The following BAZ2B variants were observed in gnomAD, a reference collection of about 807,000 sequenced individuals.
BAZ2B encodes the protein bromodomain adjacent to zinc finger domain 2B.
A neutral mutation model predicts 246.0 loss-of-function variants in BAZ2B; 91 were observed. That is an observed-to-expected ratio of 0.37 (90% confidence interval 0.31 to 0.44). The LOEUF (loss-of-function observed/expected upper bound fraction) is 0.44, where lower values mean the gene tolerates loss of function less well. BAZ2B is among the 20% of genes least tolerant of loss of function. BAZ2B has a pLI of 1.00. For synonymous variants in BAZ2B, 855 were observed against 860.0 expected (o/e 0.99, Z 0.10); for missense variants, 2,332 against 2,533.7 (o/e 0.92, Z 1.71).
chr2:159,523,532 T>C (rs1016995851), intron 2 of BAZ2B, among the ~76,000 whole-genome samples: 5 of 151,744 alleles, frequency 3.3e-5, no homozygotes, highest in Non-Finnish European at 7.4e-5. Flanking sequence ...AGTGAAACCC[T>C]GTCTCTACTA....
At chr2:159,612,356 T>G (rs554410710) in intron 1 of BAZ2B, among the ~76,000 whole-genome samples, 1 of 152,174 alleles carries the variant, frequency 6.6e-6, no homozygotes, top group African/African-American at 2.4e-5. Flanking sequence ...AAAAAACTCT[T>G]AAAATACCTA....
chr2:159,356,666 C>T (rs1022595749), intron 27 of BAZ2B, among the ~76,000 whole-genome samples: 1 of 152,198 alleles, frequency 6.6e-6, no homozygotes, highest in Non-Finnish European at 1.5e-5. Flanking sequence ...CCCTGACCCC[C>T]GTGCCTCCTG....
intron 31 of BAZ2B, among the ~76,000 whole-genome samples, chr2:159,341,105 C>T (rs577370698): frequency 6.6e-5 from 10 of 152,064 alleles, no homozygotes; most frequent in African/African-American, 2.4e-4. Flanking sequence ...CAAGGCCCAA[C>T]TATATGCTGC....
intron 36 of BAZ2B, among the ~76,000 whole-genome samples, chr2:159,321,560 C>T (rs868616827): frequency 5.9e-5 from 9 of 152,172 alleles, no homozygotes; most frequent in Middle Eastern, 3.4e-3. Flanking sequence ...AACACAATGG[C>T]GCACCATTCA....
Position 159,431,147 on chromosome 2 carries a change from C to A in BAZ2B, c.1910G>T (p.Ser637Ile), listed in dbSNP as rs752433791. ...TCCTTCTGTATCTGATTCTGAATTA[C>A]TATCTGATTCTGGGAAGTAAAAGAA... is the stretch of plus-strand genomic sequence containing the variant. The part of the protein sequence containing the change: ...ESDDSQSESD[S>I]NSESDTEGSE... The change falls in exon 10 of 37, where the codon AGT (serine) becomes ATT (isoleucine). Residue 637 changes from serine (S) to isoleucine (I), a missense_variant. By Grantham distance (142) the Ser-to-Ile change is moderately radical (BLOSUM62 -2). Coordinates refer to ENST00000392783, the MANE Select transcript of BAZ2B (RefSeq NM_013450.4). The A allele has an allele frequency of 2.5e-6, 4 of 1,602,366 alleles. No homozygotes were observed. The highest frequency in any genetic ancestry group is 3.4e-6 in the Non-Finnish European group (4 of 1,172,950).
chr2:159,577,537 C>A (rs572811953), intron 1 of BAZ2B, among the ~76,000 whole-genome samples: 152 of 152,270 alleles, frequency 1.0e-3, no homozygotes, highest in African/African-American at 3.6e-3. Flanking sequence ...GATACCAGTT[C>A]TTGGTCCAAT....
At position 159,404,903 on chromosome 2, in the gene BAZ2B, C is replaced by T. The variant is rs1008604938; in HGVS notation, c.2778G>A (p.Met926Ile). The T allele has an allele frequency of 6.8e-6, 11 of 1,613,564 alleles. No individual in the cohort carries two copies. In the Admixed American group the frequency reaches 1.2e-4, roughly 17 times the overall value. The change falls in exon 16 of 37, where the codon ATG (methionine) becomes ATA (isoleucine). Residue 926 changes from methionine (M) to isoleucine (I), a missense_variant. Coordinates refer to ENST00000392783, the MANE Select transcript of BAZ2B (RefSeq NM_013450.4). ...TTTGCTTCCGCTTCTCCTCAGCAGC[C>T]ATTATTGCTACAAGAAACCAAAGGA... The part of the protein sequence containing the change: ...AKEAKKQQAI[M>I]AAEEKRKQKE...
chr2:159,594,331 C>T (rs1249964905), intron 1 of BAZ2B, among the ~76,000 whole-genome samples: 1 of 152,100 alleles, frequency 6.6e-6, no homozygotes, highest in Non-Finnish European at 1.5e-5. Context: ...GGCATGAACC[C>T]GGGAGGCGGA....
At chr2:159,515,544 C>T (rs1221018688) in intron 2 of BAZ2B, among the ~76,000 whole-genome samples, 1 of 152,030 alleles carries the variant, frequency 6.6e-6, no homozygotes, top group Non-Finnish European at 1.5e-5. Context: ...AGAGTCAGTT[C>T]TCCATTTTAT....
chr2:159,382,991 A>G (rs2062182773), intron 24 of BAZ2B, among the ~76,000 whole-genome samples, 189 bp from the exon 25 acceptor site: 1 of 152,168 alleles, frequency 6.6e-6, no homozygotes, highest in Non-Finnish European at 1.5e-5. Context: ...GGATGCATTC[A>G]CTTTCAAGAG....
intron 3 of BAZ2B, among the ~76,000 whole-genome samples, chr2:159,475,141 A>G (rs1328386062): frequency 6.6e-6 from 1 of 152,182 alleles, no homozygotes; most frequent in African/African-American, 2.4e-5. Flanking sequence ...AATATCCTGA[A>G]GAGTGTTTTC....
downstream of BAZ2B, among the ~76,000 whole-genome samples, chr2:159,315,666 C>A (rs1246014317): frequency 2.0e-5 from 3 of 152,170 alleles, no homozygotes; most frequent in Non-Finnish European, 2.9e-5. Flanking sequence ...AAAGCTATCA[C>A]TATGCCATAT....
At chr2:159,381,721 T>C (rs2062015565) in intron 25 of BAZ2B, among the ~76,000 whole-genome samples, 1 of 152,188 alleles carries the variant, frequency 6.6e-6, no homozygotes, top group Non-Finnish European at 1.5e-5. Context: ...TCTCTGATTA[T>C]AACCCTTCAG....
chr2:159,488,142 C>T (rs1201514558), intron 2 of BAZ2B, among the ~76,000 whole-genome samples: 2 of 152,036 alleles, frequency 1.3e-5, no homozygotes, highest in African/African-American at 2.4e-5. Context: ...AGTGCAATCT[C>T]GGCTACTGCA....
chr2:159,583,318 T>C (rs952035932), intron 1 of BAZ2B, among the ~76,000 whole-genome samples: 1 of 152,136 alleles, frequency 6.6e-6, no homozygotes, highest in African/African-American at 2.4e-5. Flanking sequence ...TTTCGCCATG[T>C]TGGCCAGGCT....
intron 2 of BAZ2B, among the ~76,000 whole-genome samples, chr2:159,530,295 A>C (rs2085238704): frequency 6.6e-6 from 1 of 152,194 alleles, no homozygotes; most frequent in South Asian, 2.1e-4. Flanking sequence ...TCTACTTTTA[A>C]TTTTAACCAT....
the BAZ2B span, among the ~76,000 whole-genome samples, chr2:159,682,906 C>T: frequency 4.2e-5 from 4 of 96,002 alleles, no homozygotes; most frequent in African/African-American, 1.4e-4. Flanking sequence ...AAACTGCCAC[C>T]CCTCCCCCCC....
chr2:159,575,050 A>C (rs897095983), intron 1 of BAZ2B, among the ~76,000 whole-genome samples: 1 of 152,228 alleles, frequency 6.6e-6, no homozygotes, highest in African/African-American at 2.4e-5. Context: ...TGAACTTGGA[A>C]AGCATTATGT....
rs559049207 is a variant in BAZ2B, at chr2:159,448,285, A to C, written c.459T>G (p.His153Gln). The change falls in exon 5 of 37, where the codon CAT (histidine) becomes CAG (glutamine). Residue 153 changes from histidine (H) to glutamine (Q), a missense_variant. Physicochemically the swap from His to Gln is conservative, Grantham distance 24 (BLOSUM62 0). Around this residue, in one of 9 missense-constraint regions of BAZ2B, gnomAD observed 242 missense variants for 237.4 expected, o/e 1.02. Coordinates refer to ENST00000392783, the MANE Select transcript of BAZ2B (RefSeq NM_013450.4). Reference protein sequence around the residue: ...PAQNHDSSSFHSRTSGKSNRN... With the variant: ...PAQNHDSSSFQSRTSGKSNRN... ...GATTACTTTTTCCCGAAGTCCTTGAATGGAATGAAGAAGAATCATGATTCT... is the reference window on the plus strand; with the variant it reads ...GATTACTTTTTCCCGAAGTCCTTGACTGGAATGAAGAAGAATCATGATTCT... The C allele has an allele frequency of 6.2e-7, 1 of 1,612,944 alleles. No homozygotes were observed. The highest frequency in any genetic ancestry group is 1.3e-5 in the African/African-American group (1 of 74,968).
Sources: gnomAD v4.1 joint callset for allele counts (sites outside exome capture counted in the v4.1 genomes callset) on GRCh38, gnomAD v4.1.1 for gene constraint, gnomAD v4.1.1 regional missense constraint, MANE v1.5 for transcripts, NCBI Gene and HGNC (gene_info 2026-07-23, HGNC 2026-07-21) for gene names.